KAZN: variants seen among roughly 807,000 people sequenced by gnomAD.
KAZN encodes kazrin, periplakin interacting protein, also known as kazrin.
Under a neutral mutation model 87.4 loss-of-function variants are expected in KAZN, and 40 were observed. The ratio of observed to expected loss-of-function variants is 0.46; its 90% CI spans 0.36 to 0.60. The LOEUF is 0.60. KAZN is among the 20% of genes least tolerant of loss of function. The pLI is 0.00. For synonymous variants in KAZN, 466 were observed against 458.3 expected (o/e 1.02, Z -0.22); for missense variants, 898 against 1,073.9 (o/e 0.84, Z 2.29).
At chr1:13,931,982 C>T (rs900891516) in intron 1 of KAZN, among the ~76,000 whole-genome samples, 3 of 151,086 alleles carry the variant, frequency 2.0e-5, no homozygotes, top group Admixed American at 6.6e-5. Flanking sequence ...GCTGGAACTA[C>T]AGGCACGTAC....
intron 2 of KAZN, among the ~76,000 whole-genome samples, chr1:14,396,616 T>G (rs1662923163): frequency 6.6e-6 from 1 of 152,210 alleles, no homozygotes; most frequent in African/African-American, 2.4e-5. Flanking sequence ...TGGGGATGAT[T>G]TCTGTGGCTG....
intron 2 of KAZN, among the ~76,000 whole-genome samples, chr1:14,236,990 A>G (rs1648486725): frequency 6.6e-6 from 1 of 152,222 alleles, no homozygotes; most frequent in Non-Finnish European, 1.5e-5. Context: ...ATCAACAATC[A>G]CATATAAACA....
chr1:14,804,789 C>CAT (rs35507012), intron 1 of KAZN, among the ~76,000 whole-genome samples: 59,977 of 151,460 alleles, frequency 0.4, 13,131 homozygotes, highest in African/African-American at 0.59. Context: ...CAGATCAAGA[C>CAT]GAGCTGTGGT....
chr1:15,103,428 G>A lies in KAZN; in HGVS notation c.1849G>A (p.Val617Met). 6.4e-7 allele frequency: 1 copy of A among 1,552,614 alleles called. No individual in the cohort carries two copies. Among genetic ancestry groups the A allele is most frequent in the Non-Finnish European group, 8.7e-7 (1 of 1,147,540 alleles). Residue 617 changes from valine (V) to methionine (M), a missense_variant, in exon 12 of 15, where the codon GTG becomes ATG. Physicochemically the swap from Val to Met is conservative, Grantham distance 21. Around this residue, in one of 3 missense-constraint regions of KAZN, gnomAD observed 521 missense variants for 689.4 expected, o/e 0.76. Transcript: ENST00000376030. ...IDPVVWTNQR[V>M]LKWVRDIDLK... Reference sequence around the variant, plus strand: ...CCCCGTGGTGTGGACCAACCAGCGGGTGCTCAAGTGGGTTCGAGACATCGA... The same window carrying A: ...CCCCGTGGTGTGGACCAACCAGCGGATGCTCAAGTGGGTTCGAGACATCGA...
rs539528534 is a variant in KAZN, at chr1:14,327,242, T to C, written c.249+146650T>C. Among the ~76,000 whole-genome samples, 4 of 152,288 alleles carry C rather than the reference T, an allele frequency of 2.6e-5. No individual in the cohort carries two copies. In the East Asian group the frequency reaches 7.7e-4, roughly 29 times the overall value. ...ATACATAATACAATGTCACCGTCAC[T>C]GACTTGTATTTCAATGTGTTCTCTC... On this transcript the variant is annotated intron_variant, in intron 2 of 16. Transcript: ENST00000636203.
chr1:14,629,629 C>T (rs1020832359), intron 1 of KAZN, among the ~76,000 whole-genome samples: 3 of 152,152 alleles, frequency 2.0e-5, no homozygotes, highest in African/African-American at 7.2e-5. Context: ...CTCCAGGGCT[C>T]GTTGCTTCCT....
intron 2 of KAZN, among the ~76,000 whole-genome samples, chr1:14,421,326 T>G (rs1665413920): frequency 6.6e-6 from 1 of 152,172 alleles, no homozygotes; most frequent in Non-Finnish European, 1.5e-5. Context: ...CTCTGTATTA[T>G]CTTACATTCT....
In KAZN at chr1:15,110,515, T is replaced by G. The variant is rs76797329; in HGVS notation, c.2049-1912T>G. ...TATGTATGTGTGTGTATTTGTGTGTTTGTGTGTATGTGTTTGTGTGTGTGC... is the reference window on the plus strand; with the variant it reads ...TATGTATGTGTGTGTATTTGTGTGTGTGTGTGTATGTGTTTGTGTGTGTGC... On this transcript the variant is annotated intron_variant, in intron 13 of 14. Transcript: ENST00000376030. 9.0e-3 allele frequency among the ~76,000 whole-genome samples: 437 copies of G among 48,310 alleles called. 2 individuals are homozygous for G. The highest frequency in any genetic ancestry group is 0.03 in the African/African-American group (404 of 13,376). 31.7% of individuals were successfully genotyped at this position (48,310 alleles called of 152,430 possible). A position where few individuals can be genotyped will look rare whatever the true frequency, so the allele number is the denominator to read the frequency against.
chr1:14,175,816 C>T (rs1646061101), intron 1 of KAZN, among the ~76,000 whole-genome samples: 1 of 152,084 alleles, frequency 6.6e-6, no homozygotes, highest in Admixed American at 6.5e-5. Flanking sequence ...TTGTTAAGAA[C>T]ATGGAGTCTG....
intron 1 of KAZN, among the ~76,000 whole-genome samples, chr1:14,170,374 AAAAG>A (rs1259566012): frequency 6.7e-6 from 1 of 149,882 alleles, no homozygotes; most frequent in Non-Finnish European, 1.5e-5. Context: ...GGTCAAGGTA[AAAAG>A]AAAAAAAAAA....
At position 15,044,048 on chromosome 1, in the gene KAZN, G is replaced by T. The variant is rs137961853; in HGVS notation, c.615G>T (p.Lys205Asn). ...AKEKDLLERE[K>N]WELRRQAKEA... is the part of the protein sequence containing the mutation. ...AGAAGGACCTGCTGGAGCGTGAGAA[G>T]TGGGAGCTGCGGCGCCAAGCCAAGG... The change falls in exon 4 of 15, where the codon AAG becomes AAT. Residue 205 changes from lysine to asparagine, a missense_variant. Lys to Asn is a moderately conservative substitution (Grantham distance 94). Around this residue, in one of 3 missense-constraint regions of KAZN, gnomAD observed 521 missense variants for 689.4 expected, o/e 0.76. Transcript: ENST00000376030. The T allele has an allele frequency of 6.2e-7, 1 of 1,612,624 alleles. No homozygotes were observed.
At chr1:14,932,952 C>T (rs889289032) in intron 1 of KAZN, among the ~76,000 whole-genome samples, 7 of 152,156 alleles carry the variant, frequency 4.6e-5, no homozygotes, top group African/African-American at 7.2e-5. Flanking sequence ...AAACAGAAAC[C>T]ATGGCCCATT....
intron 13 of KAZN, among the ~76,000 whole-genome samples, chr1:15,110,271 ATG>A (rs1282054018): frequency 6.8e-6 from 1 of 148,016 alleles, no homozygotes; most frequent in African/African-American, 2.5e-5. Context: ...GTGTGTGTAT[ATG>A]TGTGTATGTT....
intron 1 of KAZN, among the ~76,000 whole-genome samples, chr1:14,823,008 A>G (rs2100834297): frequency 6.6e-6 from 1 of 152,128 alleles, no homozygotes; most frequent in East Asian, 1.9e-4. Context: ...GGGGCTTCCC[A>G]AAGAAAATGG....
intron 1 of KAZN, among the ~76,000 whole-genome samples, chr1:13,978,330 A>G (rs1474769468): frequency 1.3e-5 from 2 of 151,926 alleles, no homozygotes; most frequent in African/African-American, 4.8e-5. Context: ...CATCCTAGGA[A>G]ATAGGACCTG....
intron 1 of KAZN, among the ~76,000 whole-genome samples, chr1:14,869,223 C>T (rs896588769): frequency 1.3e-5 from 2 of 152,100 alleles, no homozygotes; most frequent in African/African-American, 4.8e-5. Flanking sequence ...CTTTAAATCT[C>T]CACTTCCCTT....
At chr1:14,522,616 G>A (rs1173220470) in intron 2 of KAZN, among the ~76,000 whole-genome samples, 1 of 152,176 alleles carries the variant, frequency 6.6e-6, no homozygotes, top group Non-Finnish European at 1.5e-5. Context: ...ATGCAAATGG[G>A]TGTTGACGTG....
intron 1 of KAZN, among the ~76,000 whole-genome samples, chr1:14,934,989 TTCCCGTAAACC>T (rs1273539643): frequency 6.6e-6 from 1 of 152,222 alleles, no homozygotes. Context: ...CTCTGTGGCA[TTCCCGTAAACC>T]TCCCTGGCTG....
chr1:14,564,402 A>G (rs530834761), intron 2 of KAZN, among the ~76,000 whole-genome samples: 1 of 152,286 alleles, frequency 6.6e-6, no homozygotes, highest in South Asian at 2.1e-4. Context: ...AGTGGGCAGC[A>G]CTGGGTAGGT....
Sources: allele counts gnomAD v4.1 joint callset (sites outside exome capture counted in the v4.1 genomes callset), GRCh38; gene constraint gnomAD v4.1.1; regional missense constraint gnomAD v4.1.1; transcripts MANE v1.5; gene names NCBI Gene and HGNC (gene_info 2026-07-23, HGNC 2026-07-21).